Variants in FCHO2 observed in about 807,000 individuals in gnomAD.
FCHO2 encodes FCH and mu domain containing endocytic adaptor 2.
Under a neutral mutation model 114.1 loss-of-function variants are expected in FCHO2, and 43 were observed. The observed-to-expected ratio is 0.38, with a 90% CI of 0.30 to 0.49. The LOEUF is 0.49. FCHO2 is among the 20% of genes least tolerant of loss of function. FCHO2 has a pLI of 0.97. For missense variants in FCHO2, 807 were observed against 950.4 expected (o/e 0.85, Z 1.98); for synonymous variants, 293 against 315.2 (o/e 0.93, Z 0.75).
intron 8 of FCHO2, among the ~76,000 whole-genome samples, chr5:73,030,526 A>G (rs1411981396): frequency 2.6e-5 from 4 of 152,252 alleles, no homozygotes; most frequent in Non-Finnish European, 5.9e-5. Flanking sequence ...ATAAGATCCC[A>G]AGATGCTCTG....
At chr5:73,061,879 T>C (rs530044122) in intron 17 of FCHO2, among the ~76,000 whole-genome samples, 10 of 152,088 alleles carry the variant, frequency 6.6e-5, no homozygotes, top group Non-Finnish European at 1.0e-4. Context: ...GTTTTGAAAA[T>C]GTACCTGCAG....
At chr5:73,046,849 T>C (rs1247091775) in intron 11 of FCHO2, among the ~76,000 whole-genome samples, 2 of 152,208 alleles carry the variant, frequency 1.3e-5, no homozygotes, top group Non-Finnish European at 2.9e-5. Context: ...CACTGCTAGC[T>C]ACATTAGACT....
At chr5:72,964,861 A>T (rs1752104422) in intron 1 of FCHO2, among the ~76,000 whole-genome samples, 1 of 152,174 alleles carries the variant, frequency 6.6e-6, no homozygotes, top group African/African-American at 2.4e-5. Flanking sequence ...AAAATATTAA[A>T]TGGAAAATTC....
chr5:73,002,276 G>A (rs1754488238), intron 5 of FCHO2, among the ~76,000 whole-genome samples: 1 of 152,152 alleles, frequency 6.6e-6, no homozygotes, highest in African/African-American at 2.4e-5. Context: ...TAGAATTCTA[G>A]AGACTACGTG....
intron 5 of FCHO2, among the ~76,000 whole-genome samples, chr5:72,994,742 G>T (rs1753988896): frequency 6.6e-6 from 1 of 151,680 alleles, no homozygotes; most frequent in Non-Finnish European, 1.5e-5. Flanking sequence ...ATTTGATAAA[G>T]AAAATGTGGT....
At chr5:72,996,855 G>A in intron 5 of FCHO2, 1 of 1,142,586 alleles carries the variant, frequency 8.8e-7, no homozygotes, top group Non-Finnish European at 1.3e-6. Context: ...GGCTGGCGGA[G>A]CTGTGCCACG....
chr5:72,991,634 T>G (rs913596391), intron 5 of FCHO2, among the ~76,000 whole-genome samples: 4 of 151,730 alleles, frequency 2.6e-5, no homozygotes, highest in African/African-American at 9.7e-5. Flanking sequence ...GGAAAGTAGC[T>G]TTTTTTTTCT....
intron 17 of FCHO2, among the ~76,000 whole-genome samples, chr5:73,059,059 T>G (rs1757728759): frequency 6.6e-6 from 1 of 152,212 alleles, no homozygotes; most frequent in African/African-American, 2.4e-5. Context: ...TTGATAAATG[T>G]TTTTTAGTTG....
intron 2 of FCHO2, among the ~76,000 whole-genome samples, chr5:72,988,769 CAACAAAGAATTATT>C (rs767676148): frequency 6.6e-6 from 1 of 152,028 alleles, no homozygotes; most frequent in Non-Finnish European, 1.5e-5. Flanking sequence ...AAACTAAGTA[CAACAAAGAATTATT>C]AAATACAAAT....
intron 3 of FCHO2, among the ~76,000 whole-genome samples, chr5:72,989,888 C>T (rs1035289497): frequency 4.6e-5 from 7 of 151,894 alleles, no homozygotes; most frequent in African/African-American, 1.7e-4. Flanking sequence ...GATTAAGATG[C>T]ATTAAAAATG....
intron 18 of FCHO2, among the ~76,000 whole-genome samples, chr5:73,065,321 T>C (rs997318849): frequency 3.3e-5 from 5 of 151,910 alleles, no homozygotes; most frequent in Non-Finnish European, 7.4e-5. Context: ...AAACAGTAAA[T>C]GATCGTGTTA....
chr5:73,041,546 T>C (rs1756803778), intron 11 of FCHO2, among the ~76,000 whole-genome samples: 1 of 152,120 alleles, frequency 6.6e-6, no homozygotes, highest in Non-Finnish European at 1.5e-5. Flanking sequence ...CATTTTACTT[T>C]TAAAATTGGA....
chr5:72,961,787 A>T (rs1751888753), intron 1 of FCHO2, among the ~76,000 whole-genome samples: 1 of 151,574 alleles, frequency 6.6e-6, no homozygotes, highest in African/African-American at 2.4e-5. Context: ...AGAGATGGGG[A>T]TTCTCCATGT....
At chr5:72,981,164 G>C (rs1411373363) in intron 2 of FCHO2, among the ~76,000 whole-genome samples, 2 of 152,078 alleles carry the variant, frequency 1.3e-5, no homozygotes, top group African/African-American at 4.8e-5. Flanking sequence ...CTCAGCATTT[G>C]CTTGTCTGTA....
chr5:73,017,966 C>T lies in FCHO2; in HGVS notation c.796+658C>T, dbSNP rs543414731. ...AATGTAATAAGTACCCCATTCCCTTCCCTGCTCAGCATACTTACAGTCCTC... is the reference window on the plus strand; with the variant it reads ...AATGTAATAAGTACCCCATTCCCTTTCCTGCTCAGCATACTTACAGTCCTC... On this transcript the variant is annotated intron_variant, in intron 8 of 25. Coordinates refer to ENST00000430046, the MANE Select transcript of FCHO2 (RefSeq NM_138782.3). Among the ~76,000 whole-genome samples the T allele has an allele frequency of 1.4e-3, 214 of 152,232 alleles. 1 individual carries two copies. Among genetic ancestry groups the T allele is most frequent in the Admixed American group, 3.2e-3 (49 of 15,286 alleles).
At chr5:73,000,672 G>A (rs1450192144) in intron 5 of FCHO2, among the ~76,000 whole-genome samples, 1 of 151,960 alleles carries the variant, frequency 6.6e-6, no homozygotes, top group Non-Finnish European at 1.5e-5. Flanking sequence ...CTACTCGGGA[G>A]GCTGAGGCAG....
intron 6 of FCHO2, among the ~76,000 whole-genome samples, chr5:73,014,577 C>T (rs540552651): frequency 5.3e-5 from 8 of 152,148 alleles, no homozygotes; most frequent in Admixed American, 4.6e-4. Flanking sequence ...TGTGAGCCAC[C>T]GTGCCCGGTG....
intron 11 of FCHO2, 47 bp from the exon 12 acceptor site, chr5:73,051,302 T>C (rs1757324769): frequency 7.8e-7 from 1 of 1,276,736 alleles, no homozygotes; most frequent in East Asian, 2.6e-5. Context: ...TCTAATAATT[T>C]TGTACATTGG....
chr5:73,051,598 G>T (rs1019056197), intron 12 of FCHO2, among the ~76,000 whole-genome samples, 192 bp downstream of exon 12: 1 of 151,510 alleles, frequency 6.6e-6, no homozygotes, highest in African/African-American at 2.4e-5. Flanking sequence ...ACAGAGTCTC[G>T]CTCTCTTGCC....
Sources: allele counts gnomAD v4.1 joint callset (sites outside exome capture counted in the v4.1 genomes callset), GRCh38; gene constraint gnomAD v4.1.1; transcripts MANE v1.5; gene names NCBI Gene and HGNC (gene_info 2026-07-23, HGNC 2026-07-21).